Variants in SGCZ observed in about 807,000 individuals in gnomAD.
SGCZ encodes zeta-sarcoglycan.
Under a neutral mutation model 41.3 loss-of-function variants are expected in SGCZ, and 40 were observed. The ratio of observed to expected loss-of-function variants is 0.97; its 90% CI spans 0.75 to 1.26. The LOEUF is 1.26. SGCZ is among the 50% of genes most tolerant of loss of function. The pLI is 0.00. For missense variants in SGCZ, 552 were observed against 369.8 expected, an observed-to-expected ratio of 1.49 and a Z score of -4.04; for synonymous variants, 206 against 137.5, an observed-to-expected ratio of 1.50 and a Z score of -3.49.
chr8:14,674,830 T>C (rs10109111), intron 1 of SGCZ, among the ~76,000 whole-genome samples: 28,101 of 151,658 alleles, frequency 0.19, 3,388 homozygotes, highest in East Asian at 0.44. Context: ...GCTCCCACTT[T>C]GCCTTCCACC....
intron 1 of SGCZ, among the ~76,000 whole-genome samples, chr8:14,635,089 T>A (rs1169789054): frequency 6.6e-6 from 1 of 151,754 alleles, no homozygotes; most frequent in African/African-American, 2.4e-5. Context: ...AGAAATTTTA[T>A]CTTTAAGGCT....
intron 1 of SGCZ, among the ~76,000 whole-genome samples, chr8:14,911,062 G>C (rs1799267982): frequency 6.6e-6 from 1 of 151,980 alleles, no homozygotes; most frequent in Non-Finnish European, 1.5e-5. Context: ...TTCTGCATAT[G>C]TGCTTTACTA....
chr8:14,169,224 A>G (rs188242511), intron 4 of SGCZ, among the ~76,000 whole-genome samples: 219 of 152,298 alleles, frequency 1.4e-3, no homozygotes, highest in Admixed American at 4.1e-3. Flanking sequence ...TAACAAAATT[A>G]AAAATAAATT....
chr8:14,373,894 T>C (rs1804006093), intron 2 of SGCZ, among the ~76,000 whole-genome samples: 1 of 152,154 alleles, frequency 6.6e-6, no homozygotes, highest in Non-Finnish European at 1.5e-5. Flanking sequence ...ATCTAGTTGA[T>C]GGTTGATGGG....
At chr8:14,185,396 G>C (rs1804870500) in intron 4 of SGCZ, among the ~76,000 whole-genome samples, 1 of 152,038 alleles carries the variant, frequency 6.6e-6, no homozygotes, top group East Asian at 1.9e-4. Context: ...GAGCAAGACT[G>C]TCTCTCAAAA....
At chr8:14,538,497 T>G (rs763609300) in intron 2 of SGCZ, among the ~76,000 whole-genome samples, 12 of 151,946 alleles carry the variant, frequency 7.9e-5, no homozygotes, top group African/African-American at 4.8e-5. Context: ...ACTGTGGCCC[T>G]CTTCTAGGGT....
intron 1 of SGCZ, among the ~76,000 whole-genome samples, chr8:14,722,528 A>G (rs1809920176): frequency 6.6e-6 from 1 of 152,084 alleles, no homozygotes; most frequent in African/African-American, 2.4e-5. Context: ...TATGCACACA[A>G]TATATGTATT....
rs186455942 is a variant in SGCZ, at chr8:14,442,659, C to A, written c.234+112073G>T. Among the ~76,000 whole-genome samples, 16 of 152,258 alleles carry A rather than the reference C, an allele frequency of 1.1e-4. No individual in the cohort carries two copies. The East Asian group carries it at 2.9e-3, about 28-fold the overall frequency. On this transcript the variant is annotated intron_variant, in intron 2 of 7. Coordinates refer to ENST00000382080, the MANE Select transcript of SGCZ (RefSeq NM_139167.4). ...GTTGATACTTTCTGCTTTAATCCAA[C>A]CCAGTGATCTCAGTGATAAAATGCT...
chr8:14,321,129 A>G (rs1279100867), intron 3 of SGCZ, among the ~76,000 whole-genome samples: 2 of 152,106 alleles, frequency 1.3e-5, no homozygotes, highest in African/African-American at 2.4e-5. Flanking sequence ...CCCAGATTAC[A>G]CATCTTTTGT....
At chr8:14,895,343 T>G (rs1805157356) in intron 1 of SGCZ, among the ~76,000 whole-genome samples, 1 of 152,090 alleles carries the variant, frequency 6.6e-6, no homozygotes. Flanking sequence ...GAAGATCGAA[T>G]GAGTTAAATA....
At chr8:15,114,304 C>G (rs555936499) in intron 1 of SGCZ, among the ~76,000 whole-genome samples, 14 of 152,266 alleles carry the variant, frequency 9.2e-5, no homozygotes, top group African/African-American at 3.4e-4. Flanking sequence ...TGCATAACCT[C>G]AAATCATTTT....
At chr8:14,719,572 T>C (rs181661511) in intron 1 of SGCZ, among the ~76,000 whole-genome samples, 2 of 152,168 alleles carry the variant, frequency 1.3e-5, no homozygotes, top group Non-Finnish European at 2.9e-5. Flanking sequence ...GGTATCTCAT[T>C]GTGGTTTTGA....
intron 2 of SGCZ, among the ~76,000 whole-genome samples, chr8:14,546,627 A>G (rs1323541972): frequency 2.6e-5 from 4 of 152,122 alleles, no homozygotes; most frequent in Non-Finnish European, 4.4e-5. Context: ...GATTAGGTAC[A>G]TTCTTCCATT....
chr8:14,777,361 T>A (rs1357236774), intron 1 of SGCZ, among the ~76,000 whole-genome samples: 4 of 152,140 alleles, frequency 2.6e-5, no homozygotes, highest in African/African-American at 9.7e-5. Context: ...GAAAGCTGAA[T>A]AAAAAAATAC....
chr8:14,090,272 C>T lies in SGCZ; in HGVS notation c.*171G>A. 1 of 570,824 alleles carries T rather than the reference C, an allele frequency of 1.8e-6. No individual in the cohort carries two copies. The highest frequency in any genetic ancestry group is 2.9e-6 in the Non-Finnish European group (1 of 341,686). The allele number at this position is 570,824 out of a possible 1,614,324, so 35.4% of individuals were successfully genotyped here. On this transcript the variant is annotated 3_prime_UTR_variant, in exon 8 of 8. Transcript: ENST00000382080. Reference sequence around the variant, plus strand: ...TGTCAATCACACCCTCTGTGTTGAGCAGTACAGTAAATCACAAGAGAAGGT... The same window carrying T: ...TGTCAATCACACCCTCTGTGTTGAGTAGTACAGTAAATCACAAGAGAAGGT...
chr8:14,610,243 T>G (rs1805883662), intron 1 of SGCZ, among the ~76,000 whole-genome samples: 1 of 152,096 alleles, frequency 6.6e-6, no homozygotes, highest in African/African-American at 2.4e-5. Context: ...TGAGAAACAG[T>G]AGATGTAAGA....
intron 1 of SGCZ, among the ~76,000 whole-genome samples, chr8:14,575,985 C>T (rs1804699708): frequency 6.8e-6 from 1 of 147,026 alleles, no homozygotes; most frequent in South Asian, 2.2e-4. Context: ...TATATATTGA[C>T]ATTCATAGAT....
At chr8:14,144,408 C>T (rs954537654) in intron 5 of SGCZ, among the ~76,000 whole-genome samples, 2 of 152,092 alleles carry the variant, frequency 1.3e-5, no homozygotes, top group African/African-American at 2.4e-5. Context: ...AGAAAAGGAC[C>T]CAGTCCTTGC....
intron 2 of SGCZ, among the ~76,000 whole-genome samples, chr8:14,464,238 CA>C (rs1324786171): frequency 4.0e-5 from 6 of 151,352 alleles, no homozygotes; most frequent in African/African-American, 1.5e-4. Context: ...GTGAAGCCAT[CA>C]AATCTGGGGC....
Sources: allele counts gnomAD v4.1 joint callset (sites outside exome capture counted in the v4.1 genomes callset), GRCh38; gene constraint gnomAD v4.1.1; transcripts MANE v1.5; gene names NCBI Gene and HGNC (gene_info 2026-07-23, HGNC 2026-07-21).